TSBP1: variants seen among roughly 807,000 people sequenced by gnomAD.
TSBP1 encodes testis expressed basic protein 1, also known as testis-expressed basic protein 1.
TSBP1 carries 56 observed loss-of-function variants against 68.8 expected under a neutral mutation model. That is an observed-to-expected ratio of 0.81 (90% CI 0.66 to 1.02). The LOEUF is 1.02. Ranked by LOEUF, TSBP1 falls within the 50% of genes least tolerant of loss-of-function variation. The pLI is 0.00. For missense variants in TSBP1, 502 were observed against 641.2 expected (o/e 0.78, Z 2.34); for synonymous variants, 171 against 208.7 (o/e 0.82, Z 1.56).
intron 19 of TSBP1, among the ~76,000 whole-genome samples, chr6:32,308,957 C>CCTTT: frequency 8.2e-6 from 1 of 122,050 alleles, no homozygotes; most frequent in Non-Finnish European, 1.7e-5. Context: ...TTTCTTCCTG[C>CCTTT]TTTTTTTTTT....
rs1057452969 is a variant in TSBP1, at chr6:32,333,537, G to T, written c.473-1483C>A. Among the ~76,000 whole-genome samples, 1 of 152,136 alleles carries T rather than the reference G, an allele frequency of 6.6e-6. No homozygotes were observed. The highest frequency in any genetic ancestry group is 1.5e-5 in the Non-Finnish European group (1 of 68,018). On this transcript the variant is annotated intron_variant, in intron 14 of 22. Transcript: ENST00000612031. This position sits in a 1 kb window ranked among gnomAD's most constrained non-coding sequence, Gnocchi z 4.2. Reference sequence around the variant, plus strand: ...TCTGTGGGGTTTCTAAGCTAGGTCAGCTCCCAACTCAACTGACAGAAGGCC... The same window carrying T: ...TCTGTGGGGTTTCTAAGCTAGGTCATCTCCCAACTCAACTGACAGAAGGCC...
intron 4 of TSBP1, among the ~76,000 whole-genome samples, chr6:32,366,640 C>A (rs995954413): frequency 6.6e-6 from 1 of 151,604 alleles, no homozygotes; most frequent in Non-Finnish European, 1.5e-5. Flanking sequence ...GTGGCAGGTG[C>A]CTGTGGTCAC....
At chr6:32,293,202 C>T (rs1764332580) in exon 23 of TSBP1, 3 of 1,612,486 alleles carry the variant, frequency 1.9e-6, no homozygotes, top group South Asian at 1.1e-5. Flanking sequence ...TCAAAACTCT[C>T]CTTCTTTTCT....
chr6:32,366,393 C>T, intron 4 of TSBP1, 91 bp from the exon 5 acceptor site: 2 of 1,157,630 alleles, frequency 1.7e-6, no homozygotes, highest in Non-Finnish European at 2.6e-6. Context: ...TTACCTCTTC[C>T]TCTTTTAGAT....
chr6:32,366,554 G>C (rs1253907742), intron 4 of TSBP1: 1 of 451,084 alleles, frequency 2.2e-6, no homozygotes, highest in African/African-American at 2.0e-5. Flanking sequence ...ACGAGGTCAG[G>C]AGATCGAGAC....
rs866270524 is a variant in TSBP1, at chr6:32,327,853, G to A, written c.514+2736C>T. Among the ~76,000 whole-genome samples, 48 of 151,108 alleles carry A rather than the reference G, an allele frequency of 3.2e-4. 1 individual carries two copies. The highest frequency in any genetic ancestry group is 1.1e-3 in the African/African-American group (44 of 41,198). On this transcript the variant is annotated intron_variant, in intron 16 of 22. Coordinates refer to ENST00000612031, the Ensembl canonical transcript of TSBP1. ...GTCACCCAGGCTGGAGTGCGGTGGCGTGATCTCGGCTTACTGCAAGCTCTG... is the reference window on the plus strand; with the variant it reads ...GTCACCCAGGCTGGAGTGCGGTGGCATGATCTCGGCTTACTGCAAGCTCTG...
At chr6:32,334,382 C>G (rs1169753742) in intron 14 of TSBP1, among the ~76,000 whole-genome samples, 2 of 152,090 alleles carry the variant, frequency 1.3e-5, no homozygotes, top group Non-Finnish European at 2.9e-5. Context: ...CCTTTAATCT[C>G]AATATTAGAA....
chr6:32,371,063 C>A (rs1031695423), intron 1 of TSBP1, among the ~76,000 whole-genome samples: 1 of 152,082 alleles, frequency 6.6e-6, no homozygotes, highest in Non-Finnish European at 1.5e-5. Flanking sequence ...TCTACTGAGT[C>A]TTCTAGGTGT....
Position 32,325,775 on chromosome 6 carries a change from C to T in TSBP1, c.515-2161G>A. 3 of 1,152,378 alleles carry T rather than the reference C, an allele frequency of 2.6e-6. No individual in the cohort carries two copies. The highest frequency in any genetic ancestry group is 3.9e-6 in the Non-Finnish European group (3 of 773,950). 71.4% of individuals were successfully genotyped at this position (1,152,378 alleles called of 1,614,324 possible). ...GAAAGTCTGTCAAAGCAAGAGATGG[C>T]TAGTGCTCCATCCAGCCGAAGAGGT... is the stretch of plus-strand genomic sequence containing the variant. On this transcript the variant is annotated intron_variant, in intron 16 of 22. Transcript: ENST00000612031. This position sits in a 1 kb window ranked among gnomAD's most constrained non-coding sequence, Gnocchi z 4.4.
intron 6 of TSBP1, among the ~76,000 whole-genome samples, chr6:32,363,809 CTG>C (rs1443196569): frequency 6.6e-6 from 1 of 152,004 alleles, no homozygotes; most frequent in East Asian, 1.9e-4. Context: ...TCTGAATTGA[CTG>C]TATATTTACC....
Position 32,327,756 on chromosome 6 carries a change from C to T in TSBP1, c.514+2833G>A, listed in dbSNP as rs189564829. Among the ~76,000 whole-genome samples the T allele has an allele frequency of 8.0e-5, 12 of 149,590 alleles. No individual in the cohort carries two copies. In the East Asian group the frequency reaches 1.2e-3, roughly 15 times the overall value. On this transcript the variant is annotated intron_variant, in intron 16 of 22. Transcript: ENST00000612031. ...GCAACCTCTGCCTCCCAGGTTCAAGCGATTACAGGTACCTGCCACGAAGTC... is the reference window on the plus strand; with the variant it reads ...GCAACCTCTGCCTCCCAGGTTCAAGTGATTACAGGTACCTGCCACGAAGTC...
chr6:32,342,430 G>A (rs1364992344), intron 9 of TSBP1, among the ~76,000 whole-genome samples: 3 of 152,152 alleles, frequency 2.0e-5, no homozygotes, highest in South Asian at 2.1e-4. Context: ...TCATGATTAC[G>A]GGCATGAGCC....
chr6:32,356,723 GA>G (rs5875361), intron 6 of TSBP1: 24 of 150,076 alleles, frequency 1.6e-4, no homozygotes, highest in Middle Eastern at 1.1e-3. Context: ...CTGTCTCAAT[GA>G]AAAAAAAAAG....
chr6:32,325,845 C>T lies in TSBP1; in HGVS notation c.515-2231G>A, dbSNP rs910404065. 1.7e-5 allele frequency: 23 copies of T among 1,378,086 alleles called. No homozygotes were observed. Among genetic ancestry groups the T allele is most frequent in the African/African-American group, 5.7e-5 (4 of 70,484 alleles). The allele number at this position is 1,378,086 out of a possible 1,614,324, so 85.4% of individuals were successfully genotyped here. A position where few individuals can be genotyped will look rare whatever the true frequency, so the allele number is the denominator to read the frequency against. ...TAGGTGGTGGTCATGGAGGTGGTTT[C>T]GGTGGGAATGACAACTTTGATCATG... On this transcript the variant is annotated intron_variant, in intron 16 of 22. Coordinates refer to ENST00000612031, the Ensembl canonical transcript of TSBP1. The surrounding 1 kb of genome is among the most constrained non-coding windows in gnomAD (Gnocchi z 4.4).
At chr6:32,307,811 T>C (rs962243202) in intron 19 of TSBP1, among the ~76,000 whole-genome samples, 33 of 151,878 alleles carry the variant, frequency 2.2e-4, no homozygotes, top group Non-Finnish European at 4.3e-4. Context: ...ATTTCGCTCT[T>C]GTCACTTAGG....
At position 32,347,991 on chromosome 6, in the gene TSBP1, T is replaced by A. The variant is rs866138313; in HGVS notation, c.349+1749A>T. On this transcript the variant is annotated intron_variant, in intron 9 of 22. Transcript: ENST00000612031. ...TCTATCATATTATCTTAATTTGTTT[T>A]CTCCGTAGAATTTACTATGATAGTC... 3.0e-4 allele frequency among the ~76,000 whole-genome samples: 46 copies of A among 152,336 alleles called. 1 individual carries two copies. Among genetic ancestry groups the A allele is most frequent in the African/African-American group, 1.1e-3 (45 of 41,582 alleles).
rs997977729 is a variant in TSBP1, at chr6:32,357,031, C to A, written c.218-1362G>T. On this transcript the variant is annotated intron_variant, in intron 6 of 22. Transcript: ENST00000612031. The surrounding 1 kb of genome is among the most constrained non-coding windows in gnomAD (Gnocchi z 4.7). ...TTAATATCTTCCTGCCAGAAGATTTCTATAGTCTCAAGTTGACCAGTACAT... is the reference window on the plus strand; with the variant it reads ...TTAATATCTTCCTGCCAGAAGATTTATATAGTCTCAAGTTGACCAGTACAT... Among the ~76,000 whole-genome samples the A allele has an allele frequency of 6.6e-6, 1 of 152,112 alleles. No individual in the cohort carries two copies. The highest frequency in any genetic ancestry group is 1.5e-5 in the Non-Finnish European group (1 of 68,010).
intron 4 of TSBP1, among the ~76,000 whole-genome samples, chr6:32,366,807 C>T (rs1773799683): frequency 6.7e-6 from 1 of 148,324 alleles, no homozygotes; most frequent in South Asian, 2.2e-4. Context: ...AGTCTCAATC[C>T]AACTACTAAA....
intron 6 of TSBP1, chr6:32,356,958 A>T (rs904104033): frequency 6.5e-6 from 1 of 152,734 alleles, no homozygotes; most frequent in Non-Finnish European, 1.5e-5. Flanking sequence ...CTAAACTTTG[A>T]GTACTAAATT....
Sources: allele counts gnomAD v4.1 joint callset (sites outside exome capture counted in the v4.1 genomes callset), GRCh38; gene constraint gnomAD v4.1.1; non-coding constraint Gnocchi (gnomAD v3.1); transcripts MANE v1.5; gene names NCBI Gene and HGNC (gene_info 2026-07-23, HGNC 2026-07-21).